The following SPMAP2L variants were observed in gnomAD, a reference collection of about 807,000 sequenced individuals.
The protein encoded by SPMAP2L is sperm microtubule associated protein 2-like.
At chr4:56,540,092 C>T in the SPMAP2L span, among the ~76,000 whole-genome samples, 2 of 152,194 alleles carry the variant, frequency 1.3e-5, no homozygotes, top group African/African-American at 4.8e-5. Flanking sequence ...TTAATAGTAG[C>T]TTATGTTCAT....
the SPMAP2L span, chr4:56,601,098 T>A: frequency 6.5e-7 from 1 of 1,534,266 alleles, no homozygotes; most frequent in South Asian, 1.2e-5. Flanking sequence ...AACTAGCTAA[T>A]CCAAATAAGA....
chr4:56,543,235 C>T, the SPMAP2L span, among the ~76,000 whole-genome samples: 2 of 152,020 alleles, frequency 1.3e-5, no homozygotes, highest in Non-Finnish European at 2.9e-5. Flanking sequence ...AGGCGCCCGC[C>T]ACCACACCAG....
At chr4:56,611,537 A>G in the SPMAP2L span, among the ~76,000 whole-genome samples, 1 of 152,206 alleles carries the variant, frequency 6.6e-6, no homozygotes, top group Non-Finnish European at 1.5e-5. Flanking sequence ...GTACTTACTC[A>G]TGTAACCAAA....
At chr4:56,609,167 C>T in the SPMAP2L span, among the ~76,000 whole-genome samples, 6 of 151,444 alleles carry the variant, frequency 4.0e-5, no homozygotes, top group Admixed American at 6.6e-5. Context: ...CTCTGCCCCC[C>T]GAGTAGCTGG....
At chr4:56,547,355 C>T in the SPMAP2L span, among the ~76,000 whole-genome samples, 1 of 151,336 alleles carries the variant, frequency 6.6e-6, no homozygotes, top group East Asian at 2.0e-4. Flanking sequence ...AAGCAATTCT[C>T]CTGCCTCAGC....
the SPMAP2L span, among the ~76,000 whole-genome samples, chr4:56,623,586 A>G: frequency 6.6e-6 from 1 of 152,184 alleles, no homozygotes; most frequent in Non-Finnish European, 1.5e-5. Flanking sequence ...CAGAATTCCA[A>G]TGTGTTGTGG....
At chr4:56,564,868 A>G in the SPMAP2L span, among the ~76,000 whole-genome samples, 1 of 151,930 alleles carries the variant, frequency 6.6e-6, no homozygotes, top group Non-Finnish European at 1.5e-5. Flanking sequence ...TTGTGCCTTA[A>G]TTTTCATTTA....
chr4:56,621,593 A>G, the SPMAP2L span, among the ~76,000 whole-genome samples: 2 of 152,208 alleles, frequency 1.3e-5, no homozygotes, highest in Admixed American at 1.3e-4. Flanking sequence ...GTACATAGGA[A>G]TAGATCTATG....
the SPMAP2L span, among the ~76,000 whole-genome samples, chr4:56,551,157 A>G: frequency 6.6e-6 from 1 of 152,184 alleles, no homozygotes; most frequent in African/African-American, 2.4e-5. Context: ...GGCTTATTCT[A>G]AAAGAGTTTG....
At chr4:56,615,938 T>C in the SPMAP2L span, among the ~76,000 whole-genome samples, 1 of 152,094 alleles carries the variant, frequency 6.6e-6, no homozygotes, top group Admixed American at 6.5e-5. Flanking sequence ...CTGCTCAAAA[T>C]TTAGCTGCAC....
the SPMAP2L span, among the ~76,000 whole-genome samples, chr4:56,607,995 GAAAAAAA>G: frequency 9.7e-5 from 7 of 72,324 alleles, no homozygotes; most frequent in Admixed American, 5.0e-4. Flanking sequence ...CCTGTCTCAA[GAAAAAAA>G]AAAAAAAAAA....
chr4:56,546,712 A>G, the SPMAP2L span, among the ~76,000 whole-genome samples: 1 of 152,234 alleles, frequency 6.6e-6, no homozygotes, highest in East Asian at 1.9e-4. Context: ...TCACATTATC[A>G]GTACTTATAG....
chr4:56,557,309 AC>A, the SPMAP2L span, among the ~76,000 whole-genome samples: 1 of 151,912 alleles, frequency 6.6e-6, no homozygotes, highest in Non-Finnish European at 1.5e-5. Context: ...CAAAAAACAA[AC>A]AGAGAGAGCT....
chr4:56,531,356 C>CA, the SPMAP2L span, among the ~76,000 whole-genome samples: 1 of 152,298 alleles, frequency 6.6e-6, no homozygotes, highest in Non-Finnish European at 1.5e-5. Flanking sequence ...CCTTGCGTTT[C>CA]AAGGGACTCA....
chr4:56,530,736 C>G, the SPMAP2L span: 16 of 1,535,234 alleles, frequency 1.0e-5, no homozygotes, highest in African/African-American at 1.4e-5. Flanking sequence ...ATGGGCAGGT[C>G]TCAACAGAAA....
At chr4:56,575,694 C>A in the SPMAP2L span, 2 of 1,503,244 alleles carry the variant, frequency 1.3e-6, no homozygotes, top group Non-Finnish European at 1.8e-6. Flanking sequence ...GGCCAGATGT[C>A]TTAGTATTTT....
the SPMAP2L span, chr4:56,603,081 A>G: frequency 3.8e-6 from 2 of 519,962 alleles, no homozygotes; most frequent in Non-Finnish European, 6.6e-6. Flanking sequence ...CCTTATCTGT[A>G]TAGTGGAGGT....
chr4:56,592,615 G>A, the SPMAP2L span, among the ~76,000 whole-genome samples: 1 of 152,286 alleles, frequency 6.6e-6, no homozygotes, highest in East Asian at 1.9e-4. Flanking sequence ...CCGAGAGCGC[G>A]GCTGACCCTT....
the SPMAP2L span, among the ~76,000 whole-genome samples, chr4:56,585,085 C>T: frequency 6.6e-6 from 1 of 152,192 alleles, no homozygotes; most frequent in Non-Finnish European, 1.5e-5. Context: ...TTTAAAGTCC[C>T]CAGCTTCATT....
Sources: allele counts gnomAD v4.1 joint callset (sites outside exome capture counted in the v4.1 genomes callset), GRCh38; gene constraint gnomAD v4.1.1; transcripts MANE v1.5; gene names NCBI Gene and HGNC (gene_info 2026-07-23, HGNC 2026-07-21).